The following UBE3C variants were observed in gnomAD, a reference collection of about 807,000 sequenced individuals.
UBE3C encodes the protein ubiquitin protein ligase E3C, also known as ubiquitin-protein ligase E3C.
In UBE3C, 42 loss-of-function variants were observed where a neutral mutation model predicts 129.4. The observed-to-expected ratio is 0.32, with a 90% confidence interval of 0.25 to 0.42. The LOEUF is 0.42. Among genes scored for constraint, UBE3C ranks in the 10% least tolerant of loss-of-function variants. The pLI, the probability that UBE3C is intolerant of heterozygous loss-of-function variation, is 1.00. For synonymous variants in UBE3C, 510 were observed against 492.4 expected, an observed-to-expected ratio of 1.04 and a Z score of -0.47; for missense variants, 1,049 against 1,319.1, an observed-to-expected ratio of 0.80 and a Z score of 3.17.
At chr7:157,255,890 G>A (rs1351892209) in intron 21 of UBE3C, among the ~76,000 whole-genome samples, 1 of 152,134 alleles carries the variant, frequency 6.6e-6, no homozygotes. Flanking sequence ...ATGATAATAA[G>A]TTAGAAGGAA....
intron 13 of UBE3C, among the ~76,000 whole-genome samples, chr7:157,211,540 G>C (rs956070984): frequency 1.3e-5 from 2 of 152,026 alleles, no homozygotes; most frequent in Non-Finnish European, 2.9e-5. Context: ...CGAATTTTTT[G>C]TGTGAAAAAT....
intron 22 of UBE3C, among the ~76,000 whole-genome samples, chr7:157,258,960 GA>G (rs1796827837): frequency 6.6e-6 from 1 of 152,182 alleles, no homozygotes; most frequent in Non-Finnish European, 1.5e-5. Context: ...ATAGGTTGAA[GA>G]CATGAGGTCT....
rs1809459626 is a variant in UBE3C, at chr7:157,207,319, GA to G, written c.1419-78del. ...TTACTTTCCCTGATTATATTTGTTTGATGTTATGTTTTAATTAGTTCCCAAA... is the reference window on the plus strand; with the variant it reads ...TTACTTTCCCTGATTATATTTGTTTGTGTTATGTTTTAATTAGTTCCCAAA... On this transcript the variant is annotated intron_variant, in intron 11 of 22. Coordinates refer to ENST00000348165, the MANE Select transcript of UBE3C (RefSeq NM_014671.3). The G allele has an allele frequency of 1.4e-5, 21 of 1,533,392 alleles. No homozygotes were observed. In the South Asian group the frequency reaches 2.3e-4, roughly 17 times the overall value. The allele number at this position is 1,533,392 out of a possible 1,614,324, so 95.0% of individuals were successfully genotyped here.
chr7:157,144,156 G>T (rs1242611914), intron 1 of UBE3C, among the ~76,000 whole-genome samples: 2 of 152,228 alleles, frequency 1.3e-5, no homozygotes, highest in East Asian at 3.8e-4. Context: ...ACACAGGCCG[G>T]ATGCTGTGGC....
chr7:157,206,702 C>T (rs1162122664), intron 11 of UBE3C, among the ~76,000 whole-genome samples: 2 of 152,140 alleles, frequency 1.3e-5, no homozygotes, highest in African/African-American at 4.8e-5. Flanking sequence ...CATTCTCCTG[C>T]CTCAGCCTCC....
At chr7:157,159,739 T>C (rs1226796168) in intron 1 of UBE3C, among the ~76,000 whole-genome samples, 1 of 152,118 alleles carries the variant, frequency 6.6e-6, no homozygotes, top group Non-Finnish European at 1.5e-5. Context: ...TGGTGGCACA[T>C]GGTAATCCCG....
intron 18 of UBE3C, among the ~76,000 whole-genome samples, chr7:157,234,129 T>TC (rs1796093105): frequency 6.6e-6 from 1 of 151,706 alleles, no homozygotes; most frequent in Admixed American, 6.6e-5. Context: ...AGTATTTTCT[T>TC]CTCTGGATTG....
chr7:157,264,516 T>TACACAC (rs139639074), intron 22 of UBE3C, among the ~76,000 whole-genome samples: 4 of 120,290 alleles, frequency 3.3e-5, no homozygotes, highest in African/African-American at 1.3e-4. Context: ...CTCGGCCTGT[T>TACACAC]ACACACACAC....
chr7:157,183,880 G>C lies in UBE3C; in HGVS notation c.994G>C (p.Ala332Pro), dbSNP rs779936054. ...TTTTAACTGATTGTTTTGCAAAGGG[G>C]CCCTCTCTGAGGAAGGGCTGCTGGT... ...VLTVGENYLG[A>P]LSEEGLLVYL... The change falls in exon 9 of 23, where the codon GCC becomes CCC. Residue 332 changes from alanine to proline, a missense_variant and splice_region_variant. By Grantham distance (27) the Ala-to-Pro change is conservative. This residue lies in a region of UBE3C where 489 missense variants were observed against 513.8 expected (regional missense o/e 0.95). Coordinates refer to ENST00000348165, the MANE Select transcript of UBE3C (RefSeq NM_014671.3). 5.6e-6 allele frequency: 9 copies of C among 1,612,028 alleles called. No individual in the cohort carries two copies. The highest frequency in any genetic ancestry group is 6.8e-6 in the Non-Finnish European group (8 of 1,178,902).
chr7:157,213,376 T>C (rs1809651512), intron 13 of UBE3C, among the ~76,000 whole-genome samples: 1 of 152,262 alleles, frequency 6.6e-6, no homozygotes, highest in Non-Finnish European at 1.5e-5. Flanking sequence ...CTCAGACTAA[T>C]TGAATTGGAG....
intron 10 of UBE3C, chr7:157,189,336 G>T (rs1021589014): frequency 1.1e-5 from 2 of 179,164 alleles, no homozygotes; most frequent in Non-Finnish European, 2.3e-5. Flanking sequence ...ACCATTGGAC[G>T]TGGAAATTTG....
chr7:157,241,494 G>A (rs889460582), intron 18 of UBE3C, among the ~76,000 whole-genome samples: 1 of 152,224 alleles, frequency 6.6e-6, no homozygotes, highest in African/African-American at 2.4e-5. Flanking sequence ...CATCAAGGAA[G>A]GGCAAAGCAT....
chr7:157,208,767 A>G (rs921897545), intron 13 of UBE3C, among the ~76,000 whole-genome samples: 1 of 152,240 alleles, frequency 6.6e-6, no homozygotes, highest in East Asian at 1.9e-4. Context: ...GGAAACCACC[A>G]CCAGTGAGAA....
intron 2 of UBE3C, among the ~76,000 whole-genome samples, chr7:157,164,732 T>C (rs1036596903): frequency 2.0e-5 from 3 of 152,174 alleles, no homozygotes; most frequent in East Asian, 1.9e-4. Flanking sequence ...TTACTATGTA[T>C]GTACTAGGTA....
In UBE3C at chr7:157,258,052, A is replaced by G. The variant is rs55705979; in HGVS notation, c.3081+1008A>G. Among the ~76,000 whole-genome samples the G allele has an allele frequency of 5.2e-3, 781 of 151,092 alleles. 5 individuals are homozygous for G. Among genetic ancestry groups the G allele is most frequent in the African/African-American group, 0.018 (749 of 41,180 alleles). ...AGCCGCAGCCACCCAGGCTGAAGCA[A>G]TCTGCCCACCTCAGCCTCCCAAGTA... is the stretch of plus-strand genomic sequence containing the variant. On this transcript the variant is annotated intron_variant, in intron 22 of 22. Coordinates refer to ENST00000348165, the MANE Select transcript of UBE3C (RefSeq NM_014671.3).
rs1796051095 is a variant in UBE3C, at chr7:157,232,638, C to T, written c.2481+1311C>T. 3.3e-5 allele frequency among the ~76,000 whole-genome samples: 5 copies of T among 152,334 alleles called. No homozygotes were observed. In the South Asian group the frequency reaches 1.0e-3, roughly 32 times the overall value. On this transcript the variant is annotated intron_variant, in intron 18 of 22. Transcript: ENST00000348165. ...AAGTGCTGGGATTACAAGCGTGAGC[C>T]ACTGCACCTGGCCTGTTATTCGCAT...
intron 22 of UBE3C, among the ~76,000 whole-genome samples, chr7:157,262,158 T>A (rs906268705): frequency 1.3e-5 from 2 of 152,200 alleles, no homozygotes; most frequent in African/African-American, 4.8e-5. Flanking sequence ...TTTGTGAAAA[T>A]TATTGCCCTC....
chr7:157,147,653 A>G (rs1382732382), intron 1 of UBE3C, among the ~76,000 whole-genome samples: 1 of 152,220 alleles, frequency 6.6e-6, no homozygotes, highest in Non-Finnish European at 1.5e-5. Flanking sequence ...TGAGTTTCTC[A>G]TCATGAAGTA....
chr7:157,248,802 C>T (rs969686419), intron 19 of UBE3C, among the ~76,000 whole-genome samples: 7 of 152,186 alleles, frequency 4.6e-5, no homozygotes, highest in Non-Finnish European at 4.4e-5. Flanking sequence ...TGTTCCTGCC[C>T]GGCAGCCCCT....
Sources: gnomAD v4.1 joint callset for allele counts (sites outside exome capture counted in the v4.1 genomes callset) on GRCh38, gnomAD v4.1.1 for gene constraint, gnomAD v4.1.1 regional missense constraint, MANE v1.5 for transcripts, NCBI Gene and HGNC (gene_info 2026-07-23, HGNC 2026-07-21) for gene names.